The following USP40 variants were observed in gnomAD, a reference collection of about 807,000 sequenced individuals.
USP40 encodes ubiquitin carboxyl-terminal hydrolase 40.
A neutral mutation model predicts 166.2 loss-of-function variants in USP40; 143 were observed. The observed-to-expected ratio is 0.86, with a 90% CI of 0.75 to 0.99. USP40 has a LOEUF of 0.99. Among genes scored for constraint, USP40 ranks in the 50% least tolerant of loss-of-function variants. USP40 has a pLI of 0.00. For synonymous variants in USP40, 498 were observed against 524.0 expected (o/e 0.95, Z 0.68); for missense variants, 1,444 against 1,479.7 (o/e 0.98, Z 0.40).
intron 18 of USP40, among the ~76,000 whole-genome samples, chr2:233,516,299 A>G (rs993198129): frequency 1.4e-4 from 22 of 152,154 alleles, no homozygotes; most frequent in African/African-American, 5.1e-4. Context: ...ATTTCCATGA[A>G]AATTGTAGAG....
In USP40 at chr2:233,525,550, A is replaced by C. The variant is rs2067960374; in HGVS notation, c.1738T>G (p.Trp580Gly). 6.2e-7 allele frequency: 1 copy of C among 1,612,570 alleles called. No individual in the cohort carries two copies. The highest frequency in any genetic ancestry group is 2.2e-5 in the East Asian group (1 of 44,858). The change falls in exon 14 of 32, where the codon TGG becomes GGG. Residue 580 changes from tryptophan (W) to glycine (G), a missense_variant. Coordinates refer to ENST00000678225, the MANE Select transcript of USP40 (RefSeq NM_001365479.2). ...RQSIFQLLEF[W>G]EGDMVLSVAK... ...ACACTAAGAACCATGTCTCCTTCCC[A>C]AAATTCTAACAGCTGAAGAATATTA...
At position 233,565,540 on chromosome 2, in the gene USP40, C is replaced by T. The variant is rs1320823002; in HGVS notation, c.15G>A (p.Leu5=). ...ACACAGTGGAATACTCCTCTTCAAA[C>T]AGGTCCCCAAACATTGTGAAACTAA... The part of the protein sequence containing the change: MFGD[L]FEEEYSTVSN... Residue 5 remains leucine, a synonymous_variant, in exon 2 of 32, where the codon CTG becomes CTA. Coordinates refer to ENST00000678225, the MANE Select transcript of USP40 (RefSeq NM_001365479.2). 6.5e-7 allele frequency: 1 copy of T among 1,537,106 alleles called. No homozygotes were observed. The highest frequency in any genetic ancestry group is 2.0e-5 in the Admixed American group (1 of 50,982).
rs1331137441 is a variant in USP40, at chr2:233,476,854, T to C, written c.*538A>G. ...CAGACCAAAGGGCAGACGTGGAGCA[T>C]GCGGGGCCGGAACGAGTGGGGGAAA... On this transcript the variant is annotated 3_prime_UTR_variant, in exon 32 of 32. Coordinates refer to ENST00000678225, the MANE Select transcript of USP40 (RefSeq NM_001365479.2). 2 of 192,778 alleles carry C rather than the reference T, an allele frequency of 1.0e-5. No individual in the cohort carries two copies. The highest frequency in any genetic ancestry group is 2.4e-5 in the African/African-American group (1 of 42,062). The allele number at this position is 192,778 out of a possible 1,614,324, so 11.9% of individuals were successfully genotyped here. A position where few individuals can be genotyped will look rare whatever the true frequency, so the allele number is the denominator to read the frequency against.
intron 18 of USP40, 185 bp downstream of exon 18, chr2:233,519,429 C>T (rs1478263891): frequency 4.0e-6 from 2 of 502,948 alleles, no homozygotes; most frequent in African/African-American, 2.0e-5. Flanking sequence ...ACACAGGGGA[C>T]TTTAACTTCA....
At chr2:233,521,588 T>G (rs1019902055) in intron 16 of USP40, among the ~76,000 whole-genome samples, 1 of 152,240 alleles carries the variant, frequency 6.6e-6, no homozygotes. Flanking sequence ...TGTTTTATAA[T>G]TGCAGCCGGC....
rs2071143734 is a variant in USP40, at chr2:233,556,857, G to T, written c.544C>A (p.Gln182Lys). ...CKECKNVSER[Q>K]EDFLDLTVAV... ...CTAAAATACTCTGGCATATTTACCTGCCTCTCGCTAACGTTCTTACATTCT... is the reference window on the plus strand; with the variant it reads ...CTAAAATACTCTGGCATATTTACCTTCCTCTCGCTAACGTTCTTACATTCT... Residue 182 changes from glutamine (Q) to lysine (K), a missense_variant and splice_region_variant, in exon 5 of 32, where the codon CAG becomes AAG. Gln to Lys is a moderately conservative substitution (Grantham distance 53, BLOSUM62 1). Transcript: ENST00000678225. 6.2e-7 allele frequency: 1 copy of T among 1,606,638 alleles called. No homozygotes were observed. Among genetic ancestry groups the T allele is most frequent in the Non-Finnish European group, 8.5e-7 (1 of 1,177,910 alleles).
At chr2:233,563,728 T>C (rs1470322560) in intron 2 of USP40, among the ~76,000 whole-genome samples, 1 of 152,182 alleles carries the variant, frequency 6.6e-6, no homozygotes, top group Non-Finnish European at 1.5e-5. Context: ...CCTTATTCTT[T>C]CCAAATTATA....
At position 233,493,878 on chromosome 2, in the gene USP40, G is replaced by A. The variant is rs2125079451; in HGVS notation, c.2791-327C>T. ...TTCCAGGCGCTGTCCAAGCACTGCT[G>A]GCCCAGGATACCAGTCCCAGCAGTG... On this transcript the variant is annotated intron_variant, in intron 24 of 31. Transcript: ENST00000678225. The surrounding 1 kb of genome is among the most constrained non-coding windows in gnomAD (Gnocchi z 4.7). Among the ~76,000 whole-genome samples, 1 of 152,294 alleles carries A rather than the reference G, an allele frequency of 6.6e-6. No individual in the cohort carries two copies. Among genetic ancestry groups the A allele is most frequent in the South Asian group, 2.1e-4 (1 of 4,826 alleles).
intron 16 of USP40, among the ~76,000 whole-genome samples, chr2:233,522,692 G>C (rs1197012402): frequency 6.6e-6 from 1 of 152,154 alleles, no homozygotes; most frequent in Non-Finnish European, 1.5e-5. Context: ...TGCTCTATTT[G>C]GGCAACTGGG....
At chr2:233,541,799 A>G (rs1175637645) in intron 9 of USP40, among the ~76,000 whole-genome samples, 1 of 152,216 alleles carries the variant, frequency 6.6e-6, no homozygotes, top group African/African-American at 2.4e-5. Context: ...AAGGGGACAC[A>G]CTTTCAGGTC....
Position 233,493,578 on chromosome 2 carries a change from TG to T in USP40, c.2791-28del, listed in dbSNP as rs769408920. 4 of 1,587,730 alleles carry T rather than the reference TG, an allele frequency of 2.5e-6. No individual in the cohort carries two copies. In the Admixed American group the frequency reaches 7.1e-5, roughly 28 times the overall value. On this transcript the variant is annotated intron_variant, in intron 24 of 31. Transcript: ENST00000678225. The surrounding 1 kb of genome is among the most constrained non-coding windows in gnomAD (Gnocchi z 4.7). ...TGAAGAATGGAGCATGTTTAACTGC[TG>T]TGATTACAAAGATTAAGTGAAACTC...
intron 11 of USP40, among the ~76,000 whole-genome samples, chr2:233,532,819 T>C (rs962088747): frequency 1.3e-5 from 2 of 151,984 alleles, no homozygotes; most frequent in Admixed American, 6.6e-5. Flanking sequence ...CATGTACTTG[T>C]AGGCCTAGCT....
Position 233,527,539 on chromosome 2 carries a change from A to G in USP40, c.1593T>C (p.His531=). Residue 531 remains histidine, a synonymous_variant, in exon 13 of 32, where the codon CAT becomes CAC. Transcript: ENST00000678225. ...AATGATACTGAGGGCCCAGGTGAAG[A>G]TGCAATTCAAAAGTATTGTTTGCAG... The part of the protein sequence containing the change: ...CDSANNTFEL[H]LHLGPQYHFF... 1 of 1,612,562 alleles carries G rather than the reference A, an allele frequency of 6.2e-7. No homozygotes were observed. Among genetic ancestry groups the G allele is most frequent in the Non-Finnish European group, 8.5e-7 (1 of 1,179,468 alleles).
chr2:233,530,073 T>G (rs2068392263), intron 11 of USP40, among the ~76,000 whole-genome samples: 1 of 152,098 alleles, frequency 6.6e-6, no homozygotes, highest in African/African-American at 2.4e-5. Flanking sequence ...GTGCTGAGAT[T>G]AAAGGCATAA....
intron 12 of USP40, among the ~76,000 whole-genome samples, chr2:233,528,432 T>C (rs189613401): frequency 6.6e-6 from 1 of 152,162 alleles, no homozygotes. Context: ...CTGACCAATG[T>C]GGAGCTGGAA....
intron 10 of USP40, 131 bp from the exon 11 acceptor site, chr2:233,533,910 C>CG: frequency 2.1e-6 from 2 of 957,120 alleles, no homozygotes; most frequent in Non-Finnish European, 3.0e-6. Flanking sequence ...TGGCCAGCTA[C>CG]GGGGGAAAAT....
chr2:233,542,634 C>A, intron 8 of USP40: 1 of 289,170 alleles, frequency 3.5e-6, no homozygotes, highest in Non-Finnish European at 6.4e-6. Context: ...GCCGTGATTG[C>A]GCCACTGCAC....
At chr2:233,553,706 A>G (rs991815270) in intron 6 of USP40, among the ~76,000 whole-genome samples, 1 of 152,258 alleles carries the variant, frequency 6.6e-6, no homozygotes, top group African/African-American at 2.4e-5. Context: ...ACTATGAATT[A>G]TACTACAGGA....
At chr2:233,536,753 C>T (rs575960323) in intron 10 of USP40, among the ~76,000 whole-genome samples, 3 of 152,106 alleles carry the variant, frequency 2.0e-5, no homozygotes, top group Non-Finnish European at 1.5e-5. Flanking sequence ...GTTTCCAAAT[C>T]CACAGATTCA....
Sources: allele counts gnomAD v4.1 joint callset (sites outside exome capture counted in the v4.1 genomes callset), GRCh38; gene constraint gnomAD v4.1.1; non-coding constraint Gnocchi (gnomAD v3.1); transcripts MANE v1.5; gene names NCBI Gene and HGNC (gene_info 2026-07-23, HGNC 2026-07-21).